PLEKHA7: variants seen among roughly 807,000 people sequenced by gnomAD.
The protein encoded by PLEKHA7 is pleckstrin homology domain-containing family A member 7.
Under a neutral mutation model 170.0 loss-of-function variants are expected in PLEKHA7, and 104 were observed. The observed-to-expected ratio is 0.61, with a 90% CI of 0.52 to 0.72. The LOEUF (loss-of-function observed/expected upper bound fraction) is 0.72, where lower values mean the gene tolerates loss of function less well. Among genes scored for constraint, PLEKHA7 ranks in the 30% least tolerant of loss-of-function variants. The pLI is 0.00. For synonymous variants in PLEKHA7, 648 were observed against 660.8 expected (o/e 0.98, Z 0.30); for missense variants, 1,615 against 1,671.7 (o/e 0.97, Z 0.59).
intron 3 of PLEKHA7, among the ~76,000 whole-genome samples, chr11:16,933,656 A>G (rs1158513688): frequency 1.3e-5 from 2 of 152,216 alleles, no homozygotes; most frequent in Non-Finnish European, 2.9e-5. Flanking sequence ...CAAGAACTCT[A>G]TTTTGGACAT....
At chr11:16,782,984 C>G in intron 25 of PLEKHA7, 88 bp from the exon 26 acceptor site, 1 of 1,399,320 alleles carries the variant, frequency 7.1e-7, no homozygotes, top group South Asian at 1.3e-5. Context: ...TAGAGGTTCT[C>G]AACATTTTGA....
At chr11:16,790,952 G>A (rs1847802208) in intron 20 of PLEKHA7, 37 bp from the exon 21 acceptor site, 1 of 1,613,890 alleles carries the variant, frequency 6.2e-7, no homozygotes. Context: ...ACCTGCCAGT[G>A]TCACACCCCT....
At chr11:17,008,443 C>T (rs1422849862) in intron 3 of PLEKHA7, among the ~76,000 whole-genome samples, 3 of 152,088 alleles carry the variant, frequency 2.0e-5, no homozygotes, top group Non-Finnish European at 4.4e-5. Context: ...TTCTCAACAG[C>T]AAGCGACTGT....
At chr11:16,808,303 G>A (rs1013089924) in intron 13 of PLEKHA7, among the ~76,000 whole-genome samples, 1 of 152,096 alleles carries the variant, frequency 6.6e-6, no homozygotes, top group Non-Finnish European at 1.5e-5. Flanking sequence ...AACAGTTCTC[G>A]TTCATAGCCA....
chr11:16,875,535 C>T (rs988494281), intron 3 of PLEKHA7, among the ~76,000 whole-genome samples: 8 of 151,988 alleles, frequency 5.3e-5, no homozygotes, highest in African/African-American at 1.7e-4. Context: ...TAGCTTCGAC[C>T]TCCTGGGTTC....
intron 3 of PLEKHA7, among the ~76,000 whole-genome samples, chr11:17,006,576 G>T (rs1348582521): frequency 1.3e-5 from 2 of 148,152 alleles, no homozygotes; most frequent in East Asian, 2.0e-4. Context: ...GCAGTGAGCC[G>T]AGATGCCGCC....
At chr11:16,810,730 T>C (rs1032967687) in intron 13 of PLEKHA7, among the ~76,000 whole-genome samples, 3 of 152,212 alleles carry the variant, frequency 2.0e-5, no homozygotes, top group Non-Finnish European at 4.4e-5. Flanking sequence ...ATATATTTCT[T>C]GGCATAACAA....
chr11:16,851,894 T>C (rs1462253207), intron 7 of PLEKHA7, among the ~76,000 whole-genome samples: 1 of 152,260 alleles, frequency 6.6e-6, no homozygotes, highest in Admixed American at 6.5e-5. Flanking sequence ...AAGTAAGCTC[T>C]TTCTCCACAT....
intron 13 of PLEKHA7, among the ~76,000 whole-genome samples, chr11:16,807,468 C>T (rs1198371708): frequency 6.6e-6 from 1 of 152,180 alleles, no homozygotes; most frequent in Non-Finnish European, 1.5e-5. Flanking sequence ...ATGTTATATG[C>T]TGTCTGAAGG....
chr11:16,975,366 T>G (rs976025899), intron 3 of PLEKHA7, among the ~76,000 whole-genome samples: 4 of 152,236 alleles, frequency 2.6e-5, no homozygotes, highest in Admixed American at 2.0e-4. Context: ...CCAAAAAATT[T>G]TATCGATTAC....
chr11:16,784,756 C>T (rs1849285413), intron 24 of PLEKHA7, among the ~76,000 whole-genome samples: 1 of 152,210 alleles, frequency 6.6e-6, no homozygotes, highest in African/African-American at 2.4e-5. Flanking sequence ...CCACACGCAG[C>T]CCTTTCACTC....
chr11:16,800,957 GAC>G lies in PLEKHA7; in HGVS notation c.2409+15_2409+16del. The G allele has an allele frequency of 1.3e-6, 2 of 1,596,970 alleles. No individual in the cohort carries two copies. The highest frequency in any genetic ancestry group is 1.7e-6 in the Non-Finnish European group (2 of 1,164,444). ...AAAAAACAAGAGCTCAGAAGAGATG[GAC>G]AGGTATCAGGTCACCTGGAAAAAAA... On this transcript the variant is annotated intron_variant, in intron 17 of 26. Transcript: ENST00000531066.
chr11:16,927,071 G>C (rs1859610243), intron 3 of PLEKHA7, among the ~76,000 whole-genome samples: 1 of 145,102 alleles, frequency 6.9e-6, no homozygotes, highest in African/African-American at 2.5e-5. Flanking sequence ...TAGTCAGGAG[G>C]CTGAGGCGGG....
intron 3 of PLEKHA7, among the ~76,000 whole-genome samples, chr11:16,885,147 C>T (rs1419544726): frequency 6.6e-6 from 1 of 152,090 alleles, no homozygotes; most frequent in East Asian, 1.9e-4. Context: ...TCAAGACCAG[C>T]CTGGCCAACA....
intron 3 of PLEKHA7, among the ~76,000 whole-genome samples, chr11:16,996,625 C>T (rs539702383): frequency 5.9e-5 from 9 of 152,164 alleles, no homozygotes; most frequent in Non-Finnish European, 1.3e-4. Flanking sequence ...CTGCAGAATG[C>T]TTCACATAAC....
intron 4 of PLEKHA7, among the ~76,000 whole-genome samples, chr11:16,860,149 A>G (rs534409130): frequency 3.9e-5 from 6 of 152,322 alleles, no homozygotes; most frequent in South Asian, 4.1e-4. Flanking sequence ...GCCCAGCTGG[A>G]AAGTGACTTG....
intron 3 of PLEKHA7, among the ~76,000 whole-genome samples, chr11:17,012,727 A>T (rs973857258): frequency 2.0e-5 from 3 of 152,146 alleles, no homozygotes; most frequent in Non-Finnish European, 2.9e-5. Flanking sequence ...ACACAGGAAA[A>T]TTGTAATAAC....
chr11:16,780,446 C>A (rs1471855766), intron 26 of PLEKHA7, among the ~76,000 whole-genome samples: 1 of 152,262 alleles, frequency 6.6e-6, no homozygotes, highest in East Asian at 1.9e-4. Context: ...TCTGCGCTGA[C>A]ACCAATTCTT....
chr11:16,947,337 T>A (rs940920444), intron 3 of PLEKHA7, among the ~76,000 whole-genome samples: 26 of 152,036 alleles, frequency 1.7e-4, no homozygotes, highest in Non-Finnish European at 3.5e-4. Context: ...ACACCTGCAA[T>A]CCTCATACTT....
Sources: allele counts gnomAD v4.1 joint callset (sites outside exome capture counted in the v4.1 genomes callset), GRCh38; gene constraint gnomAD v4.1.1; transcripts MANE v1.5; gene names NCBI Gene and HGNC (gene_info 2026-07-23, HGNC 2026-07-21).